CDKAL1: variants seen among roughly 807,000 people sequenced by gnomAD.
CDKAL1 encodes the protein CDKAL1 threonylcarbamoyladenosine tRNA methylthiotransferase.
In CDKAL1, 32 loss-of-function variants were observed where a neutral mutation model predicts 68.2. That is an observed-to-expected ratio of 0.47 (90% confidence interval 0.35 to 0.63). The LOEUF (loss-of-function observed/expected upper bound fraction) is 0.63. CDKAL1 is among the 30% of genes least tolerant of loss of function. The probability of loss-of-function intolerance (pLI) is 0.00; values close to 1 mark genes in which losing one functional copy is unlikely to be tolerated. For synonymous variants in CDKAL1, 234 were observed against 244.3 expected, an observed-to-expected ratio of 0.96 and a Z score of 0.39; for missense variants, 606 against 696.7, an observed-to-expected ratio of 0.87 and a Z score of 1.47.
At chr6:20,851,070 C>T (rs1758985765) in intron 9 of CDKAL1, among the ~76,000 whole-genome samples, 1 of 150,850 alleles carries the variant, frequency 6.6e-6, no homozygotes, top group African/African-American at 2.4e-5. Context: ...TTTACCTTCT[C>T]AGTGTGTGTT....
chr6:20,836,579 A>G (rs954317956), intron 8 of CDKAL1, among the ~76,000 whole-genome samples: 7 of 152,072 alleles, frequency 4.6e-5, no homozygotes, highest in Admixed American at 1.3e-4. Context: ...CTGTTCTTTA[A>G]TGTTCTTATT....
chr6:20,810,035 C>T (rs1274650309), intron 8 of CDKAL1, among the ~76,000 whole-genome samples: 1 of 152,118 alleles, frequency 6.6e-6, no homozygotes, highest in Non-Finnish European at 1.5e-5. Context: ...TTTAGATGGA[C>T]AGCCCCGCAG....
intron 5 of CDKAL1, among the ~76,000 whole-genome samples, chr6:20,676,596 G>A (rs1303669014): frequency 1.3e-5 from 2 of 151,904 alleles, no homozygotes; most frequent in East Asian, 3.9e-4. Context: ...GAACCCGGGA[G>A]GTGGAGCTTG....
At chr6:20,774,424 C>T (rs1011943507) in intron 7 of CDKAL1, among the ~76,000 whole-genome samples, 3 of 152,032 alleles carry the variant, frequency 2.0e-5, no homozygotes, top group African/African-American at 4.8e-5. Flanking sequence ...TCTTTATGTT[C>T]GGGGAGGTGG....
chr6:20,893,578 T>C (rs1761523401), intron 9 of CDKAL1, among the ~76,000 whole-genome samples: 1 of 152,204 alleles, frequency 6.6e-6, no homozygotes. Context: ...ATTTATATTG[T>C]TTCTAAGGCT....
chr6:21,034,028 AG>A (rs1353570134), intron 11 of CDKAL1, among the ~76,000 whole-genome samples: 1 of 152,194 alleles, frequency 6.6e-6, no homozygotes, highest in East Asian at 1.9e-4. Flanking sequence ...AAGTCTGCAA[AG>A]GAAAATATCT....
intron 13 of CDKAL1, among the ~76,000 whole-genome samples, chr6:21,163,942 ACT>A (rs1369530670): frequency 6.6e-6 from 1 of 150,452 alleles, no homozygotes; most frequent in East Asian, 1.9e-4. Flanking sequence ...GAGGAGCGAA[ACT>A]CTATCTCAAA....
chr6:21,158,663 C>A (rs1433028265), intron 13 of CDKAL1, among the ~76,000 whole-genome samples: 1 of 152,146 alleles, frequency 6.6e-6, no homozygotes, highest in African/African-American at 2.4e-5. Context: ...ACCTGTGTAA[C>A]CACAAGCAAA....
At chr6:20,798,162 G>A (rs940635514) in intron 8 of CDKAL1, among the ~76,000 whole-genome samples, 4 of 151,986 alleles carry the variant, frequency 2.6e-5, no homozygotes, top group Admixed American at 6.6e-5. Flanking sequence ...AAAAACTATG[G>A]TGATGGAGAA....
At chr6:20,567,388 A>G (rs1229811040) in intron 4 of CDKAL1, among the ~76,000 whole-genome samples, 1 of 152,080 alleles carries the variant, frequency 6.6e-6, no homozygotes, top group Non-Finnish European at 1.5e-5. Flanking sequence ...AAAATTCACT[A>G]TTACATGTAA....
chr6:20,994,909 A>G (rs1356686398), intron 10 of CDKAL1, among the ~76,000 whole-genome samples: 2 of 152,228 alleles, frequency 1.3e-5, no homozygotes, highest in East Asian at 3.8e-4. Flanking sequence ...GAGCTGTGGC[A>G]GTGCAGCTTC....
chr6:20,646,937 G>A (rs547010369), intron 4 of CDKAL1, among the ~76,000 whole-genome samples: 34 of 152,026 alleles, frequency 2.2e-4, no homozygotes, highest in Non-Finnish European at 3.8e-4. Context: ...TAGAGATGGG[G>A]TTTCATCATG....
chr6:21,072,774 C>T (rs1771862064), intron 12 of CDKAL1, among the ~76,000 whole-genome samples: 3 of 151,492 alleles, frequency 2.0e-5, no homozygotes, highest in Non-Finnish European at 1.5e-5. Flanking sequence ...GTTTCCTGCC[C>T]CTACACATGC....
intron 13 of CDKAL1, among the ~76,000 whole-genome samples, chr6:21,172,961 T>C (rs1234514857): frequency 6.6e-6 from 1 of 151,948 alleles, no homozygotes; most frequent in African/African-American, 2.4e-5. Context: ...TTGTATGTAA[T>C]ATTCTCCTGG....
chr6:21,056,669 T>A (rs538755340), intron 11 of CDKAL1, among the ~76,000 whole-genome samples: 2 of 152,234 alleles, frequency 1.3e-5, no homozygotes, highest in Admixed American at 6.5e-5. Flanking sequence ...TTGTCATAAA[T>A]GGCTCTTATT....
chr6:20,684,663 C>T (rs187288952), intron 5 of CDKAL1, among the ~76,000 whole-genome samples: 35 of 152,266 alleles, frequency 2.3e-4, no homozygotes, highest in African/African-American at 7.5e-4. Context: ...CCTGTTGCTC[C>T]GCATCCTTGC....
At chr6:21,027,314 C>T (rs1769019103) in intron 11 of CDKAL1, among the ~76,000 whole-genome samples, 1 of 152,188 alleles carries the variant, frequency 6.6e-6, no homozygotes, top group Non-Finnish European at 1.5e-5. Context: ...TTCTCAGGAA[C>T]AGGATTGGAC....
chr6:20,597,578 C>A (rs927187766), intron 4 of CDKAL1, among the ~76,000 whole-genome samples: 2 of 152,002 alleles, frequency 1.3e-5, no homozygotes, highest in Non-Finnish European at 2.9e-5. Context: ...CCATGCCCGG[C>A]CAGTTTTTGT....
chr6:20,837,119 A>G (rs1777982215), intron 8 of CDKAL1, among the ~76,000 whole-genome samples: 1 of 152,218 alleles, frequency 6.6e-6, no homozygotes, highest in Admixed American at 6.5e-5. Flanking sequence ...GGGTAATTAC[A>G]TAAATGCTTA....
Sources: allele counts gnomAD v4.1 joint callset (sites outside exome capture counted in the v4.1 genomes callset), GRCh38; gene constraint gnomAD v4.1.1; transcripts MANE v1.5; gene names NCBI Gene and HGNC (gene_info 2026-07-23, HGNC 2026-07-21).